The following FRMD5 variants were observed in gnomAD, a reference collection of about 807,000 sequenced individuals.
The protein encoded by FRMD5 is FERM domain-containing protein 5.
A neutral mutation model predicts 69.0 loss-of-function variants in FRMD5; 20 were observed. The observed-to-expected ratio is 0.29, with a 90% CI of 0.20 to 0.42. The LOEUF is 0.42. Among genes scored for constraint, FRMD5 ranks in the 10% least tolerant of loss-of-function variants. The probability of loss-of-function intolerance (pLI) is 1.00; values close to 1 mark genes in which losing one functional copy is unlikely to be tolerated. For synonymous variants in FRMD5, 271 were observed against 260.1 expected (o/e 1.04, Z -0.40); for missense variants, 595 against 708.6 (o/e 0.84, Z 1.82).
At chr15:44,144,529 G>A (rs2077326071) in intron 1 of FRMD5, among the ~76,000 whole-genome samples, 1 of 152,176 alleles carries the variant, frequency 6.6e-6, no homozygotes, top group African/African-American at 2.4e-5. Context: ...CTTGGGCCCA[G>A]AGGACTTTGT....
chr15:43,989,841 G>T, intron 1 of FRMD5: 1 of 1,018,426 alleles, frequency 9.8e-7, no homozygotes, highest in Non-Finnish European at 1.5e-6. Context: ...TCTTGTGGTT[G>T]GCCTTGGGGC....
chr15:43,988,519 C>G (rs1889509984), intron 1 of FRMD5, among the ~76,000 whole-genome samples: 1 of 151,970 alleles, frequency 6.6e-6, no homozygotes, highest in South Asian at 2.1e-4. Flanking sequence ...AGTCAGTGTA[C>G]AGGTATGCCC....
intron 1 of FRMD5, among the ~76,000 whole-genome samples, chr15:44,060,768 G>T (rs557717426): frequency 6.6e-6 from 1 of 151,926 alleles, no homozygotes; most frequent in Non-Finnish European, 1.5e-5. Flanking sequence ...TAATGAAAAA[G>T]GAAAAAAATC....
chr15:43,879,929 A>T, intron 13 of FRMD5: 1 of 323,308 alleles, frequency 3.1e-6, no homozygotes. Context: ...AGGGGACTGG[A>T]TTTAGTCAGA....
At chr15:44,032,059 C>T (rs973657545) in intron 1 of FRMD5, among the ~76,000 whole-genome samples, 1 of 152,072 alleles carries the variant, frequency 6.6e-6, no homozygotes, top group African/African-American at 2.4e-5. Flanking sequence ...ACATCTATGA[C>T]CATCTGATCT....
At chr15:44,095,197 AATTT>A (rs906671342) in intron 1 of FRMD5, among the ~76,000 whole-genome samples, 8 of 151,356 alleles carry the variant, frequency 5.3e-5, no homozygotes, top group Non-Finnish European at 1.0e-4. Flanking sequence ...GGGGATTCAC[AATTT>A]CTTTCTTTTT....
At chr15:44,198,771 A>T (rs1319737736), upstream of FRMD5, among the ~76,000 whole-genome samples, 1 of 152,238 alleles carries the variant, frequency 6.6e-6, no homozygotes, top group Admixed American at 6.5e-5. Flanking sequence ...ATTAACTAGG[A>T]TGCCCAGAAT....
intron 1 of FRMD5, among the ~76,000 whole-genome samples, chr15:44,046,767 C>T (rs1211140160): frequency 6.6e-6 from 1 of 152,176 alleles, no homozygotes; most frequent in Non-Finnish European, 1.5e-5. Flanking sequence ...CACCACAATA[C>T]ATAATGTAAT....
chr15:43,942,883 C>T (rs928366730), intron 1 of FRMD5, among the ~76,000 whole-genome samples: 9 of 152,222 alleles, frequency 5.9e-5, no homozygotes, highest in African/African-American at 1.7e-4. Context: ...TCTCAGCCCC[C>T]CAAGTAACTG....
At chr15:43,989,942 C>T (rs1296872863) in intron 1 of FRMD5, 8 of 1,142,152 alleles carry the variant, frequency 7.0e-6, no homozygotes, top group Admixed American at 6.9e-5. Context: ...TTCTCCATGT[C>T]GTCCCAGGTG....
intron 1 of FRMD5, among the ~76,000 whole-genome samples, chr15:44,078,064 G>A (rs1893843886): frequency 6.6e-6 from 1 of 152,092 alleles, no homozygotes; most frequent in South Asian, 2.1e-4. Context: ...AGATTATTGA[G>A]AATGGGTGGG....
intron 1 of FRMD5, among the ~76,000 whole-genome samples, chr15:44,004,241 G>A (rs1485246898): frequency 6.6e-6 from 1 of 152,188 alleles, no homozygotes; most frequent in Non-Finnish European, 1.5e-5. Context: ...CAAACTTCCA[G>A]AGAAAATGCC....
chr15:43,874,919 G>C (rs934931825), intron 13 of FRMD5, among the ~76,000 whole-genome samples: 1 of 151,812 alleles, frequency 6.6e-6, no homozygotes, highest in African/African-American at 2.4e-5. Context: ...AAAGAAAAAG[G>C]CTGGGCGTGG....
At chr15:44,183,686 CA>C (rs892040290) in intron 1 of FRMD5, among the ~76,000 whole-genome samples, 1 of 152,050 alleles carries the variant, frequency 6.6e-6, no homozygotes, top group Non-Finnish European at 1.5e-5. Context: ...GCTACAACAA[CA>C]AAAAATAGAT....
chr15:43,956,670 CT>C (rs1191037089), intron 1 of FRMD5, among the ~76,000 whole-genome samples: 5 of 152,188 alleles, frequency 3.3e-5, no homozygotes, highest in Non-Finnish European at 5.9e-5. Context: ...TCTTAATCAA[CT>C]TTGCAACACT....
At chr15:44,088,520 G>C (rs2140472537) in intron 1 of FRMD5, among the ~76,000 whole-genome samples, 1 of 152,220 alleles carries the variant, frequency 6.6e-6, no homozygotes, top group East Asian at 1.9e-4. Context: ...CACATGTTTT[G>C]ATTCCATGTG....
At chr15:44,096,556 C>T (rs1437541852) in intron 1 of FRMD5, among the ~76,000 whole-genome samples, 1 of 151,934 alleles carries the variant, frequency 6.6e-6, no homozygotes, top group Admixed American at 6.6e-5. Flanking sequence ...GCATGAGCCA[C>T]CACACTCAGC....
At chr15:44,039,509 C>T (rs1283621787) in intron 1 of FRMD5, among the ~76,000 whole-genome samples, 1 of 152,172 alleles carries the variant, frequency 6.6e-6, no homozygotes, top group Non-Finnish European at 1.5e-5. Flanking sequence ...CTGCAGCCTC[C>T]ACTGGTAATA....
At chr15:43,939,759 G>A (rs551169987) in intron 1 of FRMD5, among the ~76,000 whole-genome samples, 16 of 152,070 alleles carry the variant, frequency 1.1e-4, no homozygotes, top group African/African-American at 3.6e-4. Context: ...CGGGTTTTCA[G>A]CATGTTGCCT....
Sources: gnomAD v4.1 joint callset for allele counts (sites outside exome capture counted in the v4.1 genomes callset) on GRCh38, gnomAD v4.1.1 for gene constraint, MANE v1.5 for transcripts, NCBI Gene and HGNC (gene_info 2026-07-23, HGNC 2026-07-21) for gene names.